CLASP1: variants seen among roughly 807,000 people sequenced by gnomAD.
CLASP1 encodes the protein cytoplasmic linker associated protein 1, also known as CLIP-associating protein 1.
In CLASP1, 38 loss-of-function variants were observed where a neutral mutation model predicts 192.3. The ratio of observed to expected loss-of-function variants is 0.20; its 90% confidence interval spans 0.15 to 0.26. The LOEUF (loss-of-function observed/expected upper bound fraction) is 0.26. CLASP1 is among the 10% of genes least tolerant of loss of function. The pLI is 1.00. For missense variants in CLASP1, 1,433 were observed against 1,932.5 expected (o/e 0.74, Z 4.85); for synonymous variants, 691 against 712.8 (o/e 0.97, Z 0.49).
At chr2:121,586,556 A>T (rs1331983344) in intron 2 of CLASP1, among the ~76,000 whole-genome samples, 1 of 152,232 alleles carries the variant, frequency 6.6e-6, no homozygotes, top group Non-Finnish European at 1.5e-5. Flanking sequence ...TACACTATTA[A>T]TAGTTTGGCA....
intron 8 of CLASP1, among the ~76,000 whole-genome samples, chr2:121,479,340 C>T (rs1183820139): frequency 2.0e-5 from 3 of 152,156 alleles, no homozygotes; most frequent in Non-Finnish European, 4.4e-5. Context: ...AGTGAGGTTA[C>T]AGGATATAAA....
intron 37 of CLASP1, among the ~76,000 whole-genome samples, chr2:121,351,835 G>A (rs1463327352): frequency 1.3e-5 from 2 of 152,228 alleles, no homozygotes. Context: ...CGAGGACGAA[G>A]CACTGTAGAG....
chr2:121,460,305 C>G (rs975263633), intron 11 of CLASP1, among the ~76,000 whole-genome samples, 180 bp from the exon 12 acceptor site: 1 of 152,136 alleles, frequency 6.6e-6, no homozygotes, highest in African/African-American at 2.4e-5. Flanking sequence ...CTACATATCA[C>G]AAATAAGACT....
chr2:121,475,734 A>G (rs1394223213), intron 8 of CLASP1, among the ~76,000 whole-genome samples: 1 of 152,254 alleles, frequency 6.6e-6, no homozygotes, highest in Non-Finnish European at 1.5e-5. Flanking sequence ...ACATTTTCAC[A>G]TAATACATAT....
In CLASP1 at chr2:121,555,988, C is replaced by CTTTTT. The variant is rs34423741; in HGVS notation, c.196-25668_196-25664dup. Among the ~76,000 whole-genome samples, 275 of 42,402 alleles carry CTTTTT rather than the reference C, an allele frequency of 6.5e-3. 57 individuals carry two copies. Among genetic ancestry groups the CTTTTT allele is most frequent in the African/African-American group, 0.022 (203 of 9,090 alleles). The allele number at this position is 42,402 out of a possible 152,430, so 27.8% of individuals were successfully genotyped here. A position where few individuals can be genotyped will look rare whatever the true frequency, so the allele number is the denominator to read the frequency against. On this transcript the variant is annotated intron_variant, in intron 2 of 39. Transcript: ENST00000263710. ...CACGGCGCCTGCCCCCTACCCACCG[C>CTTTTT]TTTTTTTTTTTTTTTTTTTTTTTTT... is the stretch of plus-strand genomic sequence containing the variant.
At chr2:121,427,820 T>G (rs182019835) in intron 20 of CLASP1, among the ~76,000 whole-genome samples, 31 of 152,306 alleles carry the variant, frequency 2.0e-4, no homozygotes, top group African/African-American at 7.5e-4. Flanking sequence ...TTAACTAGTT[T>G]CACCTGTCCT....
intron 8 of CLASP1, among the ~76,000 whole-genome samples, chr2:121,486,866 A>G (rs1428364280): frequency 6.6e-6 from 1 of 152,242 alleles, no homozygotes; most frequent in Non-Finnish European, 1.5e-5. Flanking sequence ...AAAGAGAAAG[A>G]AGATGACAAT....
At chr2:121,380,811 A>G (rs535716146) in intron 33 of CLASP1, among the ~76,000 whole-genome samples, 7 of 152,350 alleles carry the variant, frequency 4.6e-5, no homozygotes, top group Non-Finnish European at 7.3e-5. Flanking sequence ...AACAGAAGTT[A>G]TAAGTATTCA....
rs923962071 is a variant in CLASP1, at chr2:121,457,454, G to T, written c.1385+233C>A. Among the ~76,000 whole-genome samples the T allele has an allele frequency of 2.3e-5, 3 of 131,728 alleles. No homozygotes were observed. The South Asian group carries it at 6.9e-4, about 30-fold the overall frequency. The allele number at this position is 131,728 out of a possible 152,430, so 86.4% of individuals were successfully genotyped here. A position where few individuals can be genotyped will look rare whatever the true frequency, so the allele number is the denominator to read the frequency against. Reference sequence around the variant, plus strand: ...ACCCAAACTCACTTTCTCTCACACAGACATACACACACACACACACACACA... The same window carrying T: ...ACCCAAACTCACTTTCTCTCACACATACATACACACACACACACACACACA... On this transcript the variant is annotated intron_variant, in intron 14 of 39. Transcript: ENST00000263710.
chr2:121,614,050 C>T (rs2066052387), intron 1 of CLASP1, among the ~76,000 whole-genome samples: 1 of 152,206 alleles, frequency 6.6e-6, no homozygotes, highest in Non-Finnish European at 1.5e-5. Context: ...CATTCAGTGG[C>T]ATAGCCTAGA....
intron 7 of CLASP1, among the ~76,000 whole-genome samples, chr2:121,511,507 G>A (rs111332181): frequency 0.038 from 5,826 of 151,382 alleles, 155 homozygotes; most frequent in East Asian, 0.14. Flanking sequence ...AGAATCAGTT[G>A]AACCCAGGAG....
chr2:121,401,411 A>G, intron 28 of CLASP1, 98 bp downstream of exon 29: 1 of 859,338 alleles, frequency 1.2e-6, no homozygotes, highest in Non-Finnish European at 1.8e-6. Flanking sequence ...GAGATATTCA[A>G]GGGGGTGACA....
intron 1 of CLASP1, among the ~76,000 whole-genome samples, chr2:121,627,139 G>A (rs1225263667): frequency 1.3e-5 from 2 of 152,262 alleles, no homozygotes; most frequent in East Asian, 1.9e-4. Context: ...CTAGGATAAC[G>A]TAGGGAAAAG....
intron 2 of CLASP1, among the ~76,000 whole-genome samples, chr2:121,556,219 C>T (rs2058558850): frequency 6.6e-6 from 1 of 152,058 alleles, no homozygotes; most frequent in African/African-American, 2.4e-5. Context: ...TTCCTGGCCT[C>T]AAGTGATCTG....
intron 1 of CLASP1, among the ~76,000 whole-genome samples, chr2:121,622,063 C>T (rs997700016): frequency 6.6e-6 from 1 of 151,516 alleles, no homozygotes; most frequent in Non-Finnish European, 1.5e-5. Flanking sequence ...GTTGTTCAGG[C>T]TGGTCTCAAA....
chr2:121,516,251 T>G (rs1292093558), intron 6 of CLASP1, among the ~76,000 whole-genome samples: 1 of 152,182 alleles, frequency 6.6e-6, no homozygotes, highest in African/African-American at 2.4e-5. Flanking sequence ...TAAAAAGTCC[T>G]AAAAGTCTAC....
chr2:121,346,222 G>A (rs182725962), intron 39 of CLASP1, among the ~76,000 whole-genome samples: 1 of 152,286 alleles, frequency 6.6e-6, no homozygotes, highest in East Asian at 1.9e-4. Flanking sequence ...ACAGAGATGC[G>A]CTTTCTCCAC....
chr2:121,473,565 G>C (rs2091133709), intron 8 of CLASP1, among the ~76,000 whole-genome samples: 1 of 152,150 alleles, frequency 6.6e-6, no homozygotes, highest in Non-Finnish European at 1.5e-5. Flanking sequence ...GAAAAAGACT[G>C]AGAAATGATG....
At chr2:121,647,117 C>G (rs947903998) in intron 1 of CLASP1, among the ~76,000 whole-genome samples, 1 of 151,870 alleles carries the variant, frequency 6.6e-6, no homozygotes, top group African/African-American at 2.4e-5. Flanking sequence ...CCTGTAATCC[C>G]AGCACTTCGG....
Sources: gnomAD v4.1 joint callset for allele counts (sites outside exome capture counted in the v4.1 genomes callset) on GRCh38, gnomAD v4.1.1 for gene constraint, MANE v1.5 for transcripts, NCBI Gene and HGNC (gene_info 2026-07-23, HGNC 2026-07-21) for gene names.